Variants in NCKAP5 observed in about 807,000 individuals in gnomAD.
NCKAP5 encodes the protein nck-associated protein 5.
In NCKAP5, 92 loss-of-function variants were observed where a neutral mutation model predicts 167.0. The observed-to-expected ratio is 0.55, with a 90% CI of 0.47 to 0.66. The LOEUF (loss-of-function observed/expected upper bound fraction) is 0.66. Among genes scored for constraint, NCKAP5 ranks in the 30% least tolerant of loss-of-function variants. The pLI is 0.00. For missense variants in NCKAP5, 2,378 were observed against 2,315.0 expected (o/e 1.03, Z -0.56); for synonymous variants, 891 against 877.4 (o/e 1.02, Z -0.27).
At chr2:133,447,096 C>T (rs1574971003) in intron 3 of NCKAP5, among the ~76,000 whole-genome samples, 1 of 152,048 alleles carries the variant, frequency 6.6e-6, no homozygotes, top group Non-Finnish European at 1.5e-5. Context: ...AGGAAATGTG[C>T]GTAAAAGGTA....
chr2:132,794,247 TATATATATATATATATAGAGAG>T (rs1453200943), intron 12 of NCKAP5, among the ~76,000 whole-genome samples: 15 of 60,778 alleles, frequency 2.5e-4, no homozygotes, highest in African/African-American at 8.8e-4. Flanking sequence ...TATATATATA[TATATATATATATATATAGAGAG>T]AGAGAGAGAG....
intron 7 of NCKAP5, among the ~76,000 whole-genome samples, chr2:132,983,123 T>C (rs969731577): frequency 1.3e-5 from 2 of 152,194 alleles, no homozygotes; most frequent in Non-Finnish European, 2.9e-5. Context: ...GTTACTGATG[T>C]ATAGAAATGC....
At chr2:133,517,970 A>C (rs1012034009) in intron 2 of NCKAP5, among the ~76,000 whole-genome samples, 2 of 152,236 alleles carry the variant, frequency 1.3e-5, no homozygotes, top group Non-Finnish European at 2.9e-5. Context: ...TCAAACCGAC[A>C]AAACCACGCT....
Position 133,543,961 on chromosome 2 carries a change from G to T in NCKAP5, c.-62+15089C>A, listed in dbSNP as rs1294434642. Among the ~76,000 whole-genome samples, 5 of 152,186 alleles carry T rather than the reference G, an allele frequency of 3.3e-5. No homozygotes were observed. The East Asian group carries it at 7.7e-4, about 23-fold the overall frequency. On this transcript the variant is annotated intron_variant, in intron 2 of 19. Coordinates refer to ENST00000409261, the MANE Select transcript of NCKAP5 (RefSeq NM_207363.3). Reference sequence around the variant, plus strand: ...CATTTATCTGGTTATCTCTATCCCAGTACTGAATATCTAGAACAAGCTTAT... The same window carrying T: ...CATTTATCTGGTTATCTCTATCCCATTACTGAATATCTAGAACAAGCTTAT...
chr2:133,261,923 G>T (rs1356071131), intron 4 of NCKAP5, among the ~76,000 whole-genome samples: 2 of 152,170 alleles, frequency 1.3e-5, no homozygotes, highest in African/African-American at 2.4e-5. Flanking sequence ...ATTGCTTCAG[G>T]TTATAACTTC....
rs773620542 is a variant in NCKAP5 at position 132,708,141 on chromosome 2, G to A, written c.5713+17486C>T. On this transcript the variant is annotated intron_variant, in intron 19 of 19. Coordinates refer to ENST00000409261, the MANE Select transcript of NCKAP5 (RefSeq NM_207363.3). ...GTGACCCAGCACATTCCCAGCTGTG[G>A]TGGCCATGGGGAGGGACATCTGCTT... 8.5e-5 allele frequency among the ~76,000 whole-genome samples: 13 copies of A among 152,058 alleles called. 1 individual carries two copies.
chr2:133,402,546 G>A (rs956353583), intron 3 of NCKAP5, among the ~76,000 whole-genome samples: 1 of 152,154 alleles, frequency 6.6e-6, no homozygotes, highest in East Asian at 1.9e-4. Context: ...TCCAATGTTG[G>A]AGGTGGGCCT....
the NCKAP5 span, among the ~76,000 whole-genome samples, chr2:133,633,271 G>A: frequency 2.0e-5 from 3 of 152,154 alleles, no homozygotes; most frequent in Non-Finnish European, 2.9e-5. Flanking sequence ...CCGAACAAAT[G>A]GCAGCCTTTG....
intron 8 of NCKAP5, among the ~76,000 whole-genome samples, chr2:132,925,060 G>C (rs1466103985): frequency 1.3e-5 from 2 of 152,090 alleles, no homozygotes; most frequent in African/African-American, 4.8e-5. Context: ...GCTTCTTTTG[G>C]GGGCAGTGGT....
At chr2:133,274,113 A>G (rs561237994) in intron 4 of NCKAP5, among the ~76,000 whole-genome samples, 4 of 152,046 alleles carry the variant, frequency 2.6e-5, no homozygotes, top group African/African-American at 9.6e-5. Flanking sequence ...GTTATTATTT[A>G]TCACCAATAT....
chr2:133,380,453 A>C (rs1686440678), intron 3 of NCKAP5, among the ~76,000 whole-genome samples: 1 of 152,224 alleles, frequency 6.6e-6, no homozygotes. Flanking sequence ...AATTAACCAA[A>C]GACCTCAATC....
At chr2:133,614,737 C>A in the NCKAP5 span, among the ~76,000 whole-genome samples, 2 of 152,056 alleles carry the variant, frequency 1.3e-5, no homozygotes, top group Admixed American at 1.3e-4. Context: ...AGGATATTAT[C>A]CAGGAGAACT....
chr2:132,782,946 G>T lies in NCKAP5; in HGVS notation c.3865C>A (p.Pro1289Thr), dbSNP rs74870964. Residue 1289 changes from proline (P) to threonine (T), a missense_variant, in exon 14 of 20, where the codon CCC becomes ACC. Around this residue, in one of 3 missense-constraint regions of NCKAP5, gnomAD observed 1,325 missense variants for 1,274.5 expected, o/e 1.04. Coordinates refer to ENST00000409261, the MANE Select transcript of NCKAP5 (RefSeq NM_207363.3). ...STHSGDKPST[P>T]PIEGSGKVRT... The stretch of plus-strand genomic sequence containing the variant: ...ACTTTGCCTGACCCTTCGATGGGGG[G>T]CGTAGAAGGCTTGTCTCCTGAGTGT... 8.7e-6 allele frequency: 14 copies of T among 1,613,906 alleles called. No individual in the cohort carries two copies. Among genetic ancestry groups the T allele is most frequent in the Non-Finnish European group, 1.2e-5 (14 of 1,179,892 alleles).
intron 3 of NCKAP5, among the ~76,000 whole-genome samples, chr2:133,475,174 G>A (rs1679771786): frequency 6.6e-6 from 1 of 152,204 alleles, no homozygotes; most frequent in Non-Finnish European, 1.5e-5. Context: ...TTCAACAAAT[G>A]TAAAACCATA....
At chr2:133,429,402 C>A (rs528404827) in intron 3 of NCKAP5, among the ~76,000 whole-genome samples, 1 of 151,906 alleles carries the variant, frequency 6.6e-6, no homozygotes, top group East Asian at 1.9e-4. Context: ...ATCCTATCAC[C>A]CCAATAGTGA....
In NCKAP5 at chr2:132,766,151, G is replaced by A. The variant is rs193202780; in HGVS notation, c.5128+7665C>T. 1.4e-3 allele frequency among the ~76,000 whole-genome samples: 211 copies of A among 151,876 alleles called. 1 individual carries two copies. The highest frequency in any genetic ancestry group is 4.7e-3 in the African/African-American group (194 of 41,446). ...AAAAATTAGCTGGGCATGGTGGTGC[G>A]TGTCTGCAATCCCAGCTACTCGGGA... On this transcript the variant is annotated intron_variant, in intron 16 of 19. Transcript: ENST00000409261.
the NCKAP5 span, among the ~76,000 whole-genome samples, chr2:133,579,615 G>A: frequency 6.6e-6 from 1 of 152,198 alleles, no homozygotes; most frequent in Non-Finnish European, 1.5e-5. Flanking sequence ...AAAGGATTTA[G>A]ATGCAGGAAT....
chr2:132,774,562 C>T (rs1192038401), intron 15 of NCKAP5, among the ~76,000 whole-genome samples: 1 of 152,058 alleles, frequency 6.6e-6, no homozygotes, highest in Non-Finnish European at 1.5e-5. Flanking sequence ...AGATGGAACT[C>T]TACACAGAAT....
intron 8 of NCKAP5, among the ~76,000 whole-genome samples, chr2:132,882,491 A>G (rs529408351): frequency 6.6e-6 from 1 of 152,262 alleles, no homozygotes; most frequent in African/African-American, 2.4e-5. Flanking sequence ...GTTCAATCTT[A>G]CCATGTGTAC....
Sources: allele counts gnomAD v4.1 joint callset (sites outside exome capture counted in the v4.1 genomes callset), GRCh38; gene constraint gnomAD v4.1.1; regional missense constraint gnomAD v4.1.1; transcripts MANE v1.5; gene names NCBI Gene and HGNC (gene_info 2026-07-23, HGNC 2026-07-21).